Variants in STARD13 observed in about 807,000 individuals in gnomAD.
The protein encoded by STARD13 is stAR-related lipid transfer protein 13.
STARD13 carries 62 observed loss-of-function variants against 106.4 expected under a neutral mutation model. The observed-to-expected ratio is 0.58, with a 90% CI of 0.48 to 0.72. STARD13 has a LOEUF of 0.72. Ranked by LOEUF, STARD13 falls within the 30% of genes least tolerant of loss-of-function variation. The probability of loss-of-function intolerance (pLI) is 0.00; values close to 1 mark genes in which losing one functional copy is unlikely to be tolerated. For synonymous variants in STARD13, 565 were observed against 553.0 expected (o/e 1.02, Z -0.31); for missense variants, 1,387 against 1,424.0 (o/e 0.97, Z 0.42).
At chr13:33,194,207 A>ACT (rs1886453762) in intron 1 of STARD13, among the ~76,000 whole-genome samples, 1 of 152,212 alleles carries the variant, frequency 6.6e-6, no homozygotes, top group South Asian at 2.1e-4. Context: ...AAGGCAATGA[A>ACT]CACAGCACAT....
chr13:33,112,694 C>T (rs1363886934), intron 9 of STARD13, 27 bp downstream of exon 9: 1 of 1,537,134 alleles, frequency 6.5e-7, no homozygotes, highest in Non-Finnish European at 8.8e-7. Flanking sequence ...TTTGGGATTA[C>T]TGTTGTTACT....
chr13:33,492,838 C>A, the STARD13 span, among the ~76,000 whole-genome samples: 3 of 152,166 alleles, frequency 2.0e-5, no homozygotes, highest in Admixed American at 2.0e-4. Flanking sequence ...ACCCTGAATT[C>A]TTTCTTGTGC....
intron 3 of STARD13, among the ~76,000 whole-genome samples, chr13:33,155,799 T>C (rs932130982): frequency 6.6e-6 from 1 of 152,158 alleles, no homozygotes; most frequent in Non-Finnish European, 1.5e-5. Flanking sequence ...ACAGACATGA[T>C]TACTTGCAGG....
chr13:33,667,354 G>T, the STARD13 span, among the ~76,000 whole-genome samples: 1 of 152,144 alleles, frequency 6.6e-6, no homozygotes, highest in Non-Finnish European at 1.5e-5. Flanking sequence ...ATCTCTTTGT[G>T]GGAATAGAAT....
chr13:33,440,467 T>A, the STARD13 span, among the ~76,000 whole-genome samples: 102 of 151,980 alleles, frequency 6.7e-4, no homozygotes, highest in African/African-American at 2.3e-3. Context: ...TCCTTCCTTC[T>A]GCAACTTTAT....
At chr13:33,378,069 G>C in the STARD13 span, among the ~76,000 whole-genome samples, 1 of 152,172 alleles carries the variant, frequency 6.6e-6, no homozygotes, top group Non-Finnish European at 1.5e-5. Flanking sequence ...ATTGAGCCAA[G>C]TTTATTTTAA....
the STARD13 span, among the ~76,000 whole-genome samples, chr13:33,546,049 A>G: frequency 6.6e-6 from 1 of 152,232 alleles, no homozygotes; most frequent in Non-Finnish European, 1.5e-5. Context: ...TAACATTACA[A>G]TTTATCCTGG....
At chr13:33,599,678 C>T in the STARD13 span, among the ~76,000 whole-genome samples, 50 of 152,196 alleles carry the variant, frequency 3.3e-4, no homozygotes, top group African/African-American at 1.2e-3. Context: ...TTACAGTTTA[C>T]AGTGACTACT....
the STARD13 span, among the ~76,000 whole-genome samples, chr13:33,561,661 A>G: frequency 1.1e-4 from 13 of 120,920 alleles, 1 homozygote; most frequent in Non-Finnish European, 1.1e-4. Flanking sequence ...TCTACTCTTC[A>G]TTTTAAATCT....
At chr13:33,295,543 T>C (rs1178186302) in intron 1 of STARD13, among the ~76,000 whole-genome samples, 1 of 152,240 alleles carries the variant, frequency 6.6e-6, no homozygotes, top group Non-Finnish European at 1.5e-5. Context: ...ATATTTCTAA[T>C]GTATTCTTCA....
chr13:33,164,122 T>C (rs1389416514), intron 3 of STARD13: 2 of 152,218 alleles, frequency 1.3e-5, no homozygotes, highest in Non-Finnish European at 2.9e-5. Context: ...CTGTCATTTA[T>C]GATTTGAGGA....
chr13:33,602,150 G>A, the STARD13 span, among the ~76,000 whole-genome samples: 1 of 149,110 alleles, frequency 6.7e-6, no homozygotes, highest in East Asian at 2.0e-4. Flanking sequence ...GGAGTGCAGT[G>A]ACAAGATCTC....
At chr13:33,243,961 T>C (rs957711107) in intron 1 of STARD13, among the ~76,000 whole-genome samples, 1 of 151,658 alleles carries the variant, frequency 6.6e-6, no homozygotes, top group African/African-American at 2.4e-5. Flanking sequence ...GGAATAGAGG[T>C]TGAGTATCCC....
At chr13:33,339,031 T>C (rs376183431) in intron 1 of STARD13, among the ~76,000 whole-genome samples, 2 of 152,292 alleles carry the variant, frequency 1.3e-5, no homozygotes, top group Non-Finnish European at 2.9e-5. Context: ...CCTACTTATA[T>C]GTATGTTGTC....
chr13:33,451,223 A>G, the STARD13 span, among the ~76,000 whole-genome samples: 3 of 152,184 alleles, frequency 2.0e-5, no homozygotes, highest in Admixed American at 6.5e-5. Flanking sequence ...AGTTATAGAA[A>G]AGAGTGGAAA....
At chr13:33,383,589 C>CA in the STARD13 span, 65,329 of 144,926 alleles carry the variant, frequency 0.45, 15,059 homozygotes, top group African/African-American at 0.55. Flanking sequence ...ACTAAAAATA[C>CA]AAAAAAAAAA....
intron 1 of STARD13, among the ~76,000 whole-genome samples, chr13:33,178,556 A>G (rs1433222043): frequency 2.0e-5 from 3 of 152,230 alleles, no homozygotes; most frequent in Non-Finnish European, 2.9e-5. Flanking sequence ...AAGTTTATTC[A>G]TGTACCAGAA....
the STARD13 span, among the ~76,000 whole-genome samples, chr13:33,380,110 G>T: frequency 6.6e-6 from 1 of 152,162 alleles, no homozygotes; most frequent in South Asian, 2.1e-4. Flanking sequence ...TGGAGGCCAG[G>T]CGCGGTGGCT....
intron 1 of STARD13, among the ~76,000 whole-genome samples, chr13:33,238,825 G>A (rs923501991): frequency 1.3e-5 from 2 of 151,986 alleles, no homozygotes; most frequent in Non-Finnish European, 2.9e-5. Context: ...TCCCCATGAG[G>A]TAGCATGTTT....
Sources: allele counts gnomAD v4.1 joint callset (sites outside exome capture counted in the v4.1 genomes callset), GRCh38; gene constraint gnomAD v4.1.1; transcripts MANE v1.5; gene names NCBI Gene and HGNC (gene_info 2026-07-23, HGNC 2026-07-21).